CPNE6: variants seen among roughly 807,000 people sequenced by gnomAD.
The protein encoded by CPNE6 is copine-6.
A neutral mutation model predicts 71.5 loss-of-function variants in CPNE6; 33 were observed. The ratio of observed to expected loss-of-function variants is 0.46; its 90% CI spans 0.35 to 0.62. The LOEUF (loss-of-function observed/expected upper bound fraction) is 0.62. Among genes scored for constraint, CPNE6 ranks in the 20% least tolerant of loss-of-function variants. The pLI is 0.00. For missense variants in CPNE6, 576 were observed against 747.3 expected (o/e 0.77, Z 2.67); for synonymous variants, 296 against 293.0 (o/e 1.01, Z -0.10).
intron 1 of CPNE6, chr14:24,071,287 G>A: frequency 1.5e-6 from 2 of 1,334,918 alleles, no homozygotes; most frequent in Middle Eastern, 2.7e-4. Flanking sequence ...GAATGTGTAT[G>A]TGCATGCCAC....
intron 1 of CPNE6, 140 bp from the exon 1 acceptor site, chr14:24,071,422 T>C: frequency 2.7e-6 from 4 of 1,463,370 alleles, no homozygotes. Flanking sequence ...CCCGGTTCTG[T>C]GGCTCCCTCC....
At chr14:24,071,504 C>T (rs1166941286) in intron 1 of CPNE6, 58 bp from the exon 1 acceptor site, 2 of 846,762 alleles carry the variant, frequency 2.4e-6, no homozygotes, top group South Asian at 1.4e-5. Context: ...GTGCTGCGCC[C>T]CCCCCCACCC....
At position 24,074,620 on chromosome 14, in the gene CPNE6, TG is replaced by T. The variant is rs1339018049; in HGVS notation, c.582+7del. 1 of 1,614,076 alleles carries T rather than the reference TG, an allele frequency of 6.2e-7. No homozygotes were observed. Among genetic ancestry groups the T allele is most frequent in the African/African-American group, 1.3e-5 (1 of 75,014 alleles). ...AGCTGGTCTGGAGAACTGAGGTTGG[TG>T]CCTGGGGCTATGGGGATGAAGGGAG... On this transcript the variant is annotated splice_region_variant and intron_variant, in intron 7 of 17. Transcript: ENST00000397016. This position sits in a 1 kb window ranked among gnomAD's most constrained non-coding sequence, Gnocchi z 4.5.
At position 24,073,734 on chromosome 14, in the gene CPNE6, T is replaced by C; in HGVS notation, c.348+56T>C. On this transcript the variant is annotated intron_variant, in intron 4 of 17. Coordinates refer to ENST00000397016, the Ensembl canonical transcript of CPNE6. This position sits in a 1 kb window ranked among gnomAD's most constrained non-coding sequence, Gnocchi z 5.5. ...ACCCTACCTCCATCAGCTTTGCCTC[T>C]GGAAGCCAAAAAGAGAGAAAACATG... 6.5e-7 allele frequency: 1 copy of C among 1,549,166 alleles called. No homozygotes were observed. The highest frequency in any genetic ancestry group is 8.7e-7 in the Non-Finnish European group (1 of 1,146,660).
intron 1 of CPNE6, 62 bp from the exon 1 acceptor site, chr14:24,071,500 C>CGGGGG: frequency 2.7e-5 from 40 of 1,476,114 alleles, no homozygotes; most frequent in East Asian, 5.1e-5. Flanking sequence ...GCTGGTGCTG[C>CGGGGG]GCCCCCCCCC....
chr14:24,074,388 C>T lies in CPNE6; in HGVS notation c.498+23C>T. ...AAGGTTGGAACCCCAGAGTCCAGGC[C>T]CCCAACTCCCCTGTCACTCCTAGGC... On this transcript the variant is annotated intron_variant, in intron 6 of 17. Transcript: ENST00000397016. The surrounding 1 kb of genome is among the most constrained non-coding windows in gnomAD (Gnocchi z 4.5). 1.3e-6 allele frequency: 2 copies of T among 1,549,050 alleles called. No homozygotes were observed. The highest frequency in any genetic ancestry group is 1.7e-6 in the Non-Finnish European group (2 of 1,147,854).
intron 1 of CPNE6, 60 bp from the exon 1 acceptor site, chr14:24,071,502 C>CTG: frequency 1.3e-5 from 6 of 447,716 alleles, no homozygotes; most frequent in Non-Finnish European, 2.1e-5. Context: ...TGGTGCTGCG[C>CTG]CCCCCCCCAC....
intron 1 of CPNE6, chr14:24,071,234 C>T: frequency 9.6e-7 from 1 of 1,046,390 alleles, no homozygotes; most frequent in South Asian, 1.7e-5. Context: ...TATGTGTGAG[C>T]CTGTGAGTCG....
intron 1 of CPNE6, 61 bp from the exon 1 acceptor site, chr14:24,071,501 G>GCGCCCCCCCCCCC: frequency 1.2e-5 from 17 of 1,416,698 alleles, no homozygotes; most frequent in African/African-American, 3.1e-5. Context: ...CTGGTGCTGC[G>GCGCCCCCCCCCCC]CCCCCCCCCA....
chr14:24,071,180 G>C (rs768255370), intron 1 of CPNE6: 40 of 1,023,288 alleles, frequency 3.9e-5, no homozygotes, highest in Non-Finnish European at 5.5e-5. Context: ...TAACTGTCGT[G>C]GTGTCACAGT....
In CPNE6 at chr14:24,077,860, T is replaced by TCATAA; in HGVS notation, c.*38-28_*38-27insCATAA. The TCATAA allele has an allele frequency of 2.0e-6, 2 of 1,018,152 alleles. No individual in the cohort carries two copies. The highest frequency in any genetic ancestry group is 2.7e-6 in the Non-Finnish European group (2 of 749,748). The allele number at this position is 1,018,152 out of a possible 1,614,324, so 63.1% of individuals were successfully genotyped here. A position where few individuals can be genotyped will look rare whatever the true frequency, so the allele number is the denominator to read the frequency against. ...AGGCTGGGTGTAGTGTAGAAGAGAG[T>TCATAA]GCTTATGACTCTCCCACCCCCTCCC... On this transcript the variant is annotated intron_variant, in intron 17 of 17. Coordinates refer to ENST00000397016, the Ensembl canonical transcript of CPNE6. The surrounding 1 kb of genome is among the most constrained non-coding windows in gnomAD (Gnocchi z 6.1).
intron 14 of CPNE6, 58 bp from the exon 14 acceptor site, chr14:24,076,821 G>T: frequency 6.2e-7 from 1 of 1,606,518 alleles, no homozygotes; most frequent in Non-Finnish European, 8.5e-7. Context: ...GCTTTAAGGA[G>T]TGTCAGGAGG....
rs2035995957 is a variant in CPNE6, at chr14:24,074,429, G to C, written c.498+64G>C. The C allele has an allele frequency of 2.6e-6, 4 of 1,566,406 alleles. No homozygotes were observed. The highest frequency in any genetic ancestry group is 3.5e-6 in the Non-Finnish European group (4 of 1,149,630). On this transcript the variant is annotated intron_variant, in intron 6 of 17. Coordinates refer to ENST00000397016, the Ensembl canonical transcript of CPNE6. The surrounding 1 kb of genome is among the most constrained non-coding windows in gnomAD (Gnocchi z 4.5). ...ACTCCTAGGCCTCCCACTCAAGACA[G>C]ATCCCAGGAGCCCAGGCCTGCTCTC...
chr14:24,076,082 A>T, intron 11 of CPNE6, 67 bp from the exon 11 acceptor site: 10 of 1,589,088 alleles, frequency 6.3e-6, no homozygotes, highest in Non-Finnish European at 8.6e-6. Context: ...TACAGATCCC[A>T]GCTCTGGCCT....
At position 24,073,432 on chromosome 14, in the gene CPNE6, G is replaced by A; in HGVS notation, c.169-67G>A. On this transcript the variant is annotated intron_variant, in intron 3 of 17. Coordinates refer to ENST00000397016, the Ensembl canonical transcript of CPNE6. This position sits in a 1 kb window ranked among gnomAD's most constrained non-coding sequence, Gnocchi z 5.5. ...AAGAAGAGCTGGCATGACTAGGGCA[G>A]TCCAGGACAGGGAAAAGTATCCTCG... The A allele has an allele frequency of 1.3e-6, 2 of 1,552,798 alleles. No individual in the cohort carries two copies. The highest frequency in any genetic ancestry group is 1.8e-6 in the Non-Finnish European group (2 of 1,142,322).
At position 24,077,793 on chromosome 14, in the gene CPNE6, T is replaced by C. The variant is rs1346856008; in HGVS notation, c.*37+26T>C. ...GTGAGTCCTGGGGCTTCCAAAGGAGTGGACACAGGGGGTGCAAAGTGGGGC... is the reference window on the plus strand; with the variant it reads ...GTGAGTCCTGGGGCTTCCAAAGGAGCGGACACAGGGGGTGCAAAGTGGGGC... On this transcript the variant is annotated intron_variant, in intron 17 of 17. Coordinates refer to ENST00000397016, the Ensembl canonical transcript of CPNE6. The surrounding 1 kb of genome is among the most constrained non-coding windows in gnomAD (Gnocchi z 6.1). 1 of 1,456,912 alleles carries C rather than the reference T, an allele frequency of 6.9e-7. No individual in the cohort carries two copies. The highest frequency in any genetic ancestry group is 2.4e-5 in the East Asian group (1 of 40,904). 90.2% of individuals were successfully genotyped at this position (1,456,912 alleles called of 1,614,324 possible).
rs541475603 is a variant in CPNE6, at chr14:24,071,344, G to A, written c.-119-183G>A. 1.0e-5 allele frequency: 15 copies of A among 1,438,626 alleles called. No homozygotes were observed. The African/African-American group carries it at 2.0e-4, about 19-fold the overall frequency. The allele number at this position is 1,438,626 out of a possible 1,614,324, so 89.1% of individuals were successfully genotyped here. A position where few individuals can be genotyped will look rare whatever the true frequency, so the allele number is the denominator to read the frequency against. ...ATTCTGGGTGTGGGTGTAGTGTGAA[G>A]GGGAAGATGTGTGTCACTGTGTCTG... On this transcript the variant is annotated intron_variant, in intron 1 of 17. Transcript: ENST00000397016.
At position 24,073,234 on chromosome 14, in the gene CPNE6, G is replaced by A. The variant is rs1414898435; in HGVS notation, c.168+130G>A. 1.8e-6 allele frequency: 2 copies of A among 1,085,594 alleles called. No homozygotes were observed. Among genetic ancestry groups the A allele is most frequent in the South Asian group, 2.1e-5 (1 of 48,168 alleles). The allele number at this position is 1,085,594 out of a possible 1,614,324, so 67.2% of individuals were successfully genotyped here. Reference sequence around the variant, plus strand: ...GCGGCGCCTTCTCGAGGCCGCTTGGGTACCCTGGAGATGGTGTCCCAGAGG... The same window carrying A: ...GCGGCGCCTTCTCGAGGCCGCTTGGATACCCTGGAGATGGTGTCCCAGAGG... On this transcript the variant is annotated intron_variant, in intron 3 of 17. Coordinates refer to ENST00000397016, the Ensembl canonical transcript of CPNE6. The surrounding 1 kb of genome is among the most constrained non-coding windows in gnomAD (Gnocchi z 5.5).
chr14:24,076,183 C>T (rs1250366865), exon 12 of CPNE6: 7 of 1,614,054 alleles, frequency 4.3e-6, no homozygotes, highest in South Asian at 2.2e-5. Context: ...AATGGGGACC[C>T]GAGGAGCAGC....
Sources: allele counts gnomAD v4.1 joint callset, GRCh38; gene constraint gnomAD v4.1.1; non-coding constraint Gnocchi (gnomAD v3.1); transcripts MANE v1.5; gene names NCBI Gene and HGNC (gene_info 2026-07-23, HGNC 2026-07-21).